Variants in GPC6 observed in about 807,000 individuals in gnomAD.
GPC6 encodes glypican 6.
A neutral mutation model predicts 55.2 loss-of-function variants in GPC6; 14 were observed. The ratio of observed to expected loss-of-function variants is 0.25; its 90% CI spans 0.17 to 0.40. The LOEUF (loss-of-function observed/expected upper bound fraction) is 0.40, where lower values mean the gene tolerates loss of function less well. GPC6 is among the 10% of genes least tolerant of loss of function. GPC6 has a pLI of 1.00. For missense variants in GPC6, 641 were observed against 708.5 expected, an observed-to-expected ratio of 0.90 and a Z score of 1.08; for synonymous variants, 278 against 259.6, an observed-to-expected ratio of 1.07 and a Z score of -0.68.
chr13:93,384,470 A>T (rs975456388), intron 1 of GPC6, among the ~76,000 whole-genome samples: 3 of 152,044 alleles, frequency 2.0e-5, no homozygotes, highest in Admixed American at 6.6e-5. Context: ...GAATATGATG[A>T]TAATTATAAA....
In GPC6 at chr13:93,467,850, C is replaced by T. The variant is rs192679676; in HGVS notation, c.161-77413C>T. The stretch of plus-strand genomic sequence containing the variant: ...AAGTGATTTTCCCGCCAAGGCCTCC[C>T]AAAGTGTTGAGATTACAGGTGTGAG... On this transcript the variant is annotated intron_variant, in intron 1 of 8. Transcript: ENST00000377047. Among the ~76,000 whole-genome samples the T allele has an allele frequency of 1.2e-4, 19 of 152,072 alleles. No individual in the cohort carries two copies. In the East Asian group the frequency reaches 3.3e-3, roughly 26 times the overall value.
chr13:93,280,050 G>C (rs550957472), intron 1 of GPC6, among the ~76,000 whole-genome samples: 1 of 152,280 alleles, frequency 6.6e-6, no homozygotes, highest in South Asian at 2.1e-4. Context: ...GTAATGCCAA[G>C]TCAGTGATGA....
At chr13:94,102,121 G>A (rs1041367313) in intron 4 of GPC6, among the ~76,000 whole-genome samples, 5 of 151,796 alleles carry the variant, frequency 3.3e-5, no homozygotes, top group African/African-American at 4.8e-5. Context: ...TTCATGCTAC[G>A]CTTACTATAT....
At chr13:93,761,904 G>T (rs1233980535) in intron 2 of GPC6, among the ~76,000 whole-genome samples, 1 of 151,918 alleles carries the variant, frequency 6.6e-6, no homozygotes, top group Non-Finnish European at 1.5e-5. Flanking sequence ...TAGCTTTTTG[G>T]AAATATACAT....
At chr13:93,674,323 T>TTGTA (rs1432131507) in intron 2 of GPC6, among the ~76,000 whole-genome samples, 2 of 152,188 alleles carry the variant, frequency 1.3e-5, no homozygotes, top group South Asian at 4.1e-4. Flanking sequence ...CTATGTTTTA[T>TTGTA]TGTATCCTTT....
chr13:94,197,526 C>T lies in GPC6; in HGVS notation c.878-88823C>T, dbSNP rs1316208198. Among the ~76,000 whole-genome samples the T allele has an allele frequency of 7.9e-5, 12 of 152,166 alleles. No individual in the cohort carries two copies. In the South Asian group the frequency reaches 2.1e-3, roughly 26 times the overall value. On this transcript the variant is annotated intron_variant, in intron 4 of 8. Coordinates refer to ENST00000377047, the MANE Select transcript of GPC6 (RefSeq NM_005708.5). ...CAGCAGTCTTCTCTCTGTGTCCTCA[C>T]GTGGCAGAGAGAGAGTGAGCTCTCT...
At chr13:93,459,520 A>T (rs1286468616) in intron 1 of GPC6, among the ~76,000 whole-genome samples, 3 of 152,210 alleles carry the variant, frequency 2.0e-5, no homozygotes, top group Non-Finnish European at 4.4e-5. Flanking sequence ...AAAACAACGG[A>T]CTTTAACAGT....
intron 8 of GPC6, among the ~76,000 whole-genome samples, chr13:94,401,107 A>G (rs1881111486): frequency 6.6e-6 from 1 of 152,150 alleles, no homozygotes; most frequent in Non-Finnish European, 1.5e-5. Context: ...TGTCATCTGT[A>G]TTTGTTTAAG....
intron 4 of GPC6, among the ~76,000 whole-genome samples, chr13:94,037,974 T>G (rs1342873750): frequency 1.3e-5 from 2 of 151,932 alleles, no homozygotes; most frequent in African/African-American, 4.8e-5. Context: ...TTATTTAATT[T>G]TAATTAATGT....
At chr13:93,934,019 A>G (rs1021402738) in intron 3 of GPC6, among the ~76,000 whole-genome samples, 3 of 152,204 alleles carry the variant, frequency 2.0e-5, no homozygotes, top group South Asian at 4.1e-4. Flanking sequence ...AGCTCAATGC[A>G]CTTCTGGCTA....
intron 5 of GPC6, among the ~76,000 whole-genome samples, chr13:94,289,121 T>C (rs1304780186): frequency 6.6e-6 from 1 of 150,930 alleles, no homozygotes; most frequent in African/African-American, 2.4e-5. Context: ...CAGATGCTTG[T>C]TGAATACATA....
intron 1 of GPC6, among the ~76,000 whole-genome samples, chr13:93,337,786 G>A (rs1383701944): frequency 6.6e-6 from 1 of 152,154 alleles, no homozygotes; most frequent in African/African-American, 2.4e-5. Context: ...GGATCACAGG[G>A]TTTCCACTAC....
chr13:93,903,796 G>A (rs1233713147), intron 3 of GPC6, among the ~76,000 whole-genome samples: 1 of 151,880 alleles, frequency 6.6e-6, no homozygotes, highest in Admixed American at 6.6e-5. Context: ...CGCCCCAACT[G>A]TTTTTAAAAT....
chr13:93,849,452 A>G (rs1253875657), intron 3 of GPC6, among the ~76,000 whole-genome samples: 1 of 152,116 alleles, frequency 6.6e-6, no homozygotes, highest in African/African-American at 2.4e-5. Flanking sequence ...GACATTGTAG[A>G]TGAATGAAAG....
At chr13:94,133,040 G>A (rs907493551) in intron 4 of GPC6, among the ~76,000 whole-genome samples, 3 of 152,038 alleles carry the variant, frequency 2.0e-5, no homozygotes, top group Non-Finnish European at 4.4e-5. Flanking sequence ...AGCATGTCTA[G>A]CTTCTGAAAT....
rs902965323 is a variant in GPC6, at chr13:93,737,005, C to T, written c.320-93149C>T. ...GCATGAGGAAATGAACGAGATTGAC[C>T]TTCTCCATTTTCCAATATGCCATTG... On this transcript the variant is annotated intron_variant, in intron 2 of 8. Coordinates refer to ENST00000377047, the MANE Select transcript of GPC6 (RefSeq NM_005708.5). 7.2e-5 allele frequency among the ~76,000 whole-genome samples: 11 copies of T among 152,262 alleles called. No homozygotes were observed. In the East Asian group the frequency reaches 2.1e-3, roughly 29 times the overall value.
chr13:93,809,544 C>A (rs1429691803), intron 2 of GPC6, among the ~76,000 whole-genome samples: 2 of 152,186 alleles, frequency 1.3e-5, no homozygotes. Context: ...TTGGCAGCCA[C>A]TTCTTGTCCC....
At chr13:94,027,971 G>A (rs1882967771) in intron 4 of GPC6, 77 bp downstream of exon 4, 1 of 1,287,298 alleles carries the variant, frequency 7.8e-7, no homozygotes, top group Admixed American at 1.7e-5. Context: ...GGGTGGGTCA[G>A]AAGTTATAAG....
intron 4 of GPC6, among the ~76,000 whole-genome samples, chr13:94,138,917 G>T (rs1441680827): frequency 6.6e-6 from 1 of 152,112 alleles, no homozygotes; most frequent in African/African-American, 2.4e-5. Flanking sequence ...AGGGCAATGG[G>T]CAGGAAACCA....
Sources: gnomAD v4.1 joint callset for allele counts (sites outside exome capture counted in the v4.1 genomes callset) on GRCh38, gnomAD v4.1.1 for gene constraint, MANE v1.5 for transcripts, NCBI Gene and HGNC (gene_info 2026-07-23, HGNC 2026-07-21) for gene names.